The following ZFR2 variants were observed in gnomAD, a reference collection of about 807,000 sequenced individuals.
ZFR2 encodes the protein zinc finger RNA binding protein 2, also known as zinc finger RNA-binding protein 2.
A neutral mutation model predicts 105.7 loss-of-function variants in ZFR2; 104 were observed. The observed-to-expected ratio is 0.98, with a 90% CI of 0.84 to 1.16. ZFR2 has a LOEUF of 1.16. ZFR2 is among the 50% of genes most tolerant of loss of function. ZFR2 has a pLI of 0.00. For synonymous variants in ZFR2, 634 were observed against 597.7 expected (o/e 1.06, Z -0.89); for missense variants, 1,425 against 1,355.5 (o/e 1.05, Z -0.80).
chr19:3,827,863 CAG>C (rs2037969885), intron 5 of ZFR2, among the ~76,000 whole-genome samples: 1 of 152,166 alleles, frequency 6.6e-6, no homozygotes, highest in Non-Finnish European at 1.5e-5. Context: ...CTCTGTTGCC[CAG>C]GCTGGAGTGC....
At chr19:3,851,724 T>C (rs2038239936) in intron 1 of ZFR2, 1 of 152,568 alleles carries the variant, frequency 6.6e-6, no homozygotes, top group South Asian at 2.1e-4. Context: ...CTAAGAATGG[T>C]TTTTATAATT....
intron 1 of ZFR2, among the ~76,000 whole-genome samples, chr19:3,841,055 C>T (rs2038128394): frequency 6.6e-6 from 1 of 152,276 alleles, no homozygotes; most frequent in African/African-American, 2.4e-5. Flanking sequence ...AGGTTGGCCA[C>T]GGTTCAGGGC....
chr19:3,828,135 G>A (rs1429068035), intron 5 of ZFR2, among the ~76,000 whole-genome samples: 7 of 146,678 alleles, frequency 4.8e-5, no homozygotes, highest in African/African-American at 1.8e-4. Context: ...TCTTACTATA[G>A]ACGTCTCAAA....
intron 5 of ZFR2, among the ~76,000 whole-genome samples, chr19:3,829,687 AT>A (rs1461371305): frequency 6.6e-5 from 10 of 151,814 alleles, no homozygotes; most frequent in Admixed American, 2.0e-4. Context: ...TAATTTTTAA[AT>A]TTTTTTTAGA....
intron 18 of ZFR2, 32 bp downstream of exon 18, chr19:3,807,140 G>T (rs2037704994): frequency 2.0e-6 from 3 of 1,501,842 alleles, no homozygotes; most frequent in Non-Finnish European, 2.7e-6. Flanking sequence ...TGGGGCCTGG[G>T]TGTCACCCTT....
chr19:3,814,444 G>A (rs868064628), intron 13 of ZFR2, among the ~76,000 whole-genome samples: 1 of 152,168 alleles, frequency 6.6e-6, no homozygotes, highest in Non-Finnish European at 1.5e-5. Flanking sequence ...CCTGTCCATG[G>A]TCATCACCCT....
intron 1 of ZFR2, among the ~76,000 whole-genome samples, chr19:3,859,022 G>T (rs964536464): frequency 1.6e-4 from 24 of 152,106 alleles, no homozygotes; most frequent in African/African-American, 5.8e-4. Flanking sequence ...TGTCCTGGGT[G>T]TGTCTGTGAG....
At chr19:3,818,286 C>T (rs531222594) in intron 12 of ZFR2, among the ~76,000 whole-genome samples, 4 of 152,220 alleles carry the variant, frequency 2.6e-5, no homozygotes, top group South Asian at 2.1e-4. Context: ...GCTAACATAG[C>T]GAGACCTCTC....
At chr19:3,832,972 T>C (rs1203752370) in intron 3 of ZFR2, among the ~76,000 whole-genome samples, 1 of 145,796 alleles carries the variant, frequency 6.9e-6, no homozygotes, top group Non-Finnish European at 1.5e-5. Flanking sequence ...TTTCACGGGG[T>C]GCAGTGGCTC....
chr19:3,816,675 T>G lies in ZFR2; in HGVS notation c.2102A>C (p.Gln701Pro), dbSNP rs1198492568. 1.2e-6 allele frequency: 2 copies of G among 1,607,264 alleles called. No individual in the cohort carries two copies. The highest frequency in any genetic ancestry group is 1.1e-5 in the South Asian group (1 of 90,884). ...CGATGAGCAGGGCCCTGACCTTACC[T>G]GGAGCTGCCGGGGCAGCTGCTGGGC... is the stretch of plus-strand genomic sequence containing the variant. ...RIAQQLPRQL[Q>P]MVTEDEYEVS... The change falls in exon 13 of 19, where the codon CAG becomes CCG. Residue 701 changes from glutamine to proline, a missense_variant and splice_region_variant. Physicochemically the swap from Gln to Pro is moderately conservative, Grantham distance 76. Transcript: ENST00000262961.
Position 3,823,380 on chromosome 19 carries a change from C to T in ZFR2, c.1237G>A (p.Gly413Ser), listed in dbSNP as rs1367132148. Residue 413 changes from glycine to serine, a missense_variant, in exon 8 of 19, where the codon GGC (glycine) becomes AGC (serine). Physicochemically the swap from Gly to Ser is moderately conservative, Grantham distance 56 (BLOSUM62 0). Coordinates refer to ENST00000262961, the MANE Select transcript of ZFR2 (RefSeq NM_015174.2). This position sits in a 1 kb window ranked among gnomAD's most constrained non-coding sequence, Gnocchi z 5.4. ...GGTTTCCCCCACTGGGGTCTGCAGC[C>T]TGCTGCCTGTGGCTCAGGAGGCCCT... is the stretch of plus-strand genomic sequence containing the variant. ...CEGPPEPQAA[G>S]CRPQWGKPAQ... is the part of the protein sequence containing the mutation. 1 of 1,611,870 alleles carries T rather than the reference C, an allele frequency of 6.2e-7. No homozygotes were observed. The highest frequency in any genetic ancestry group is 8.5e-7 in the Non-Finnish European group (1 of 1,178,836).
chr19:3,806,351 C>A (rs2037696832), intron 18 of ZFR2, among the ~76,000 whole-genome samples: 1 of 152,232 alleles, frequency 6.6e-6, no homozygotes, highest in Admixed American at 6.5e-5. Context: ...CAACCACCGC[C>A]TCCCAGGTTC....
At chr19:3,843,215 G>C (rs1462200241) in intron 1 of ZFR2, among the ~76,000 whole-genome samples, 1 of 148,286 alleles carries the variant, frequency 6.7e-6, no homozygotes, top group East Asian at 2.1e-4. Flanking sequence ...TCACGCCTGG[G>C]ATCCCAGCAC....
Position 3,813,750 on chromosome 19 carries a change from G to T in ZFR2, c.2242+70C>A, listed in dbSNP as rs1159585169. The T allele has an allele frequency of 7.6e-6, 12 of 1,588,448 alleles. No homozygotes were observed. The highest frequency in any genetic ancestry group is 9.4e-6 in the Non-Finnish European group (11 of 1,165,180). On this transcript the variant is annotated intron_variant, in intron 14 of 18. Transcript: ENST00000262961. The surrounding 1 kb of genome is among the most constrained non-coding windows in gnomAD (Gnocchi z 4.4). ...AGGGCAGAGGCGGACGCTGCCCCAGGCCTGGGTGTGGGGAGCGCCCTGGGG... is the reference window on the plus strand; with the variant it reads ...AGGGCAGAGGCGGACGCTGCCCCAGTCCTGGGTGTGGGGAGCGCCCTGGGG...
chr19:3,811,240 C>G, intron 15 of ZFR2, 32 bp downstream of exon 15: 2 of 1,524,468 alleles, frequency 1.3e-6, no homozygotes, highest in Non-Finnish European at 1.8e-6. Flanking sequence ...AAAGTCACCC[C>G]TCTCCCCCTG....
chr19:3,810,169 C>CG lies in ZFR2; in HGVS notation c.2433+580dup, dbSNP rs1343276791. ...CATGAGATGGGGGACGCCCGCAGGG[C>CG]GGGGGGGAGGCCGGGTGTGGATGGC... On this transcript the variant is annotated intron_variant, in intron 16 of 18. Transcript: ENST00000262961. Among the ~76,000 whole-genome samples, 9 of 151,288 alleles carry CG rather than the reference C, an allele frequency of 5.9e-5. No homozygotes were observed. In the East Asian group the frequency reaches 1.4e-3, roughly 23 times the overall value.
At chr19:3,822,775 C>G (rs78228909) in intron 8 of ZFR2, among the ~76,000 whole-genome samples, 2,521 of 152,250 alleles carry the variant, frequency 0.017, 61 homozygotes, top group African/African-American at 0.058. Flanking sequence ...CTCTTTGGCA[C>G]GCACAAGGCC....
At chr19:3,861,384 T>C (rs903634563) in intron 1 of ZFR2, among the ~76,000 whole-genome samples, 4 of 152,138 alleles carry the variant, frequency 2.6e-5, no homozygotes, top group African/African-American at 9.7e-5. Context: ...CCCAGCACTT[T>C]GGGAGGCCGA....
intron 3 of ZFR2, among the ~76,000 whole-genome samples, chr19:3,833,299 G>A (rs913533789): frequency 6.7e-5 from 10 of 150,060 alleles, no homozygotes; most frequent in African/African-American, 1.7e-4. Context: ...CTTTCAGGCC[G>A]GGCATGGTGG....
Sources: gnomAD v4.1 joint callset for allele counts (sites outside exome capture counted in the v4.1 genomes callset) on GRCh38, gnomAD v4.1.1 for gene constraint, Gnocchi (gnomAD v3.1) non-coding constraint, MANE v1.5 for transcripts, NCBI Gene and HGNC (gene_info 2026-07-23, HGNC 2026-07-21) for gene names.